The following NCAPG variants were observed in gnomAD, a reference collection of about 807,000 sequenced individuals.
NCAPG encodes the protein non-SMC condensin I complex subunit G.
NCAPG carries 69 observed loss-of-function variants against 113.1 expected under a neutral mutation model. The observed-to-expected ratio is 0.61, with a 90% CI of 0.50 to 0.75. The LOEUF is 0.75. Among genes scored for constraint, NCAPG ranks in the 30% least tolerant of loss-of-function variants. The pLI, the probability that NCAPG is intolerant of heterozygous loss-of-function variation, is 0.00. For synonymous variants in NCAPG, 370 were observed against 415.8 expected (o/e 0.89, Z 1.34); for missense variants, 1,058 against 1,177.0 (o/e 0.90, Z 1.48).
chr4:17,814,790 A>C, intron 3 of NCAPG, 63 bp from the exon 4 acceptor site: 4 of 1,515,498 alleles, frequency 2.6e-6, no homozygotes, highest in Non-Finnish European at 3.6e-6. Context: ...AATGTGTGTT[A>C]TTTTATGACT....
At chr4:17,823,401 T>C (rs895462545) in intron 8 of NCAPG, among the ~76,000 whole-genome samples, 1 of 152,180 alleles carries the variant, frequency 6.6e-6, no homozygotes, top group Non-Finnish European at 1.5e-5. Context: ...TAATCATTTC[T>C]GGTATTTTGT....
chr4:17,812,207 C>CT lies in NCAPG; in HGVS notation c.112-10dup. The CT allele has an allele frequency of 6.2e-7, 1 of 1,606,846 alleles. No individual in the cohort carries two copies. The highest frequency in any genetic ancestry group is 8.5e-7 in the Non-Finnish European group (1 of 1,174,986). ...TATCGGTGCAGTTTATGAAGGGTTT[C>CT]TTTTGTCTTTCAGATGGATGATAAG... On this transcript the variant is annotated splice_polypyrimidine_tract_variant and intron_variant, in intron 1 of 20. Coordinates refer to ENST00000251496, the MANE Select transcript of NCAPG (RefSeq NM_022346.5).
rs755446157 is a variant in NCAPG at position 17,828,252 on chromosome 4, T to TGC, written c.1654-25_1654-24dup. On this transcript the variant is annotated intron_variant, in intron 11 of 20. Transcript: ENST00000251496. ...AAGGATGGGGAGAAGATATTACTAA[T>TGC]GCTGAATATTTTGTCTTCATTTTAG... 5.6e-5 allele frequency: 85 copies of TGC among 1,518,578 alleles called. 1 individual carries two copies. Among genetic ancestry groups the TGC allele is most frequent in the Admixed American group, 3.4e-4 (20 of 58,172 alleles). The allele number at this position is 1,518,578 out of a possible 1,614,324, so 94.1% of individuals were successfully genotyped here.
chr4:17,834,958 G>T (rs1267188945), intron 14 of NCAPG, among the ~76,000 whole-genome samples: 1 of 152,042 alleles, frequency 6.6e-6, no homozygotes, highest in Non-Finnish European at 1.5e-5. Context: ...GATTAAAGTG[G>T]GTTGTTATTT....
At chr4:17,816,353 C>G (rs1329025686) in intron 5 of NCAPG, among the ~76,000 whole-genome samples, 1 of 152,178 alleles carries the variant, frequency 6.6e-6, no homozygotes, top group Admixed American at 6.5e-5. Flanking sequence ...CGGCTTACCT[C>G]CTCCTGTGCG....
At chr4:17,815,446 T>C (rs1196494994) in intron 5 of NCAPG, 88 bp downstream of exon 5, 1 of 898,300 alleles carries the variant, frequency 1.1e-6, no homozygotes, top group Non-Finnish European at 1.7e-6. Flanking sequence ...TCAAATCAGG[T>C]CAAGTAAGCC....
At chr4:17,823,507 C>T in intron 8 of NCAPG, 140 bp from the exon 9 acceptor site, 1 of 700,612 alleles carries the variant, frequency 1.4e-6, no homozygotes, top group South Asian at 2.4e-5. Flanking sequence ...TCTGTACATA[C>T]AGATTTTTGT....
chr4:17,843,463 C>CAGTT lies in NCAPG; in HGVS notation c.*40_*43dup, dbSNP rs1314371378. 18 of 1,595,962 alleles carry CAGTT rather than the reference C, an allele frequency of 1.1e-5. No individual in the cohort carries two copies. The highest frequency in any genetic ancestry group is 1.5e-5 in the Non-Finnish European group (18 of 1,169,794). On this transcript the variant is annotated 3_prime_UTR_variant, in exon 21 of 21. Transcript: ENST00000251496. Reference sequence around the variant, plus strand: ...AGGTGGAATCCTTTAAGATTATGTCCAGTTATTTGCTTTAATAAAGAAGAA... The same window carrying CAGTT: ...AGGTGGAATCCTTTAAGATTATGTCCAGTTAGTTATTTGCTTTAATAAAGAAGAA...
At chr4:17,840,561 T>C in intron 18 of NCAPG, 46 bp from the exon 19 acceptor site, 1 of 1,124,102 alleles carries the variant, frequency 8.9e-7, no homozygotes, top group Non-Finnish European at 1.2e-6. Flanking sequence ...TTAAAATATT[T>C]CATGAGGTTA....
chr4:17,815,430 C>T lies in NCAPG; in HGVS notation c.775+72C>T, dbSNP rs538080054. On this transcript the variant is annotated intron_variant, in intron 5 of 20. Coordinates refer to ENST00000251496, the MANE Select transcript of NCAPG (RefSeq NM_022346.5). The stretch of plus-strand genomic sequence containing the variant: ...GTCAGACTTAACAAGGTTTAAGAAA[C>T]GAGTGTCAAATCAGGTCAAGTAAGC... The T allele has an allele frequency of 7.1e-5, 80 of 1,128,502 alleles. 1 individual carries two copies. In the African/African-American group the frequency reaches 9.6e-4, roughly 14 times the overall value. 69.9% of individuals were successfully genotyped at this position (1,128,502 alleles called of 1,614,324 possible).
At chr4:17,825,716 C>T (rs561921161) in intron 11 of NCAPG, 155 bp downstream of exon 11, 2 of 602,290 alleles carry the variant, frequency 3.3e-6, no homozygotes, top group African/African-American at 3.9e-5. Flanking sequence ...TTCCCTGTTT[C>T]TATTTTTGGA....
intron 7 of NCAPG, among the ~76,000 whole-genome samples, chr4:17,821,831 A>G (rs1721468100): frequency 6.6e-6 from 1 of 152,104 alleles, no homozygotes; most frequent in South Asian, 2.1e-4. Context: ...TCCATCTTAA[A>G]GGCACTTCGC....
intron 18 of NCAPG, 92 bp from the exon 19 acceptor site, chr4:17,840,515 T>C: frequency 5.2e-6 from 4 of 762,294 alleles, no homozygotes; most frequent in Non-Finnish European, 7.5e-6. Context: ...GACTTTGTCA[T>C]TTCAGTTTTA....
chr4:17,828,031 C>T (rs1231827440), intron 11 of NCAPG, among the ~76,000 whole-genome samples: 1 of 151,984 alleles, frequency 6.6e-6, no homozygotes, highest in Admixed American at 6.6e-5. Flanking sequence ...AAATTCCTGA[C>T]CTTAAGTGAT....
At position 17,823,140 on chromosome 4, in the gene NCAPG, A is replaced by G; in HGVS notation, c.1259+17A>G. 2 of 1,595,986 alleles carry G rather than the reference A, an allele frequency of 1.3e-6. No individual in the cohort carries two copies. The highest frequency in any genetic ancestry group is 1.1e-5 in the South Asian group (1 of 87,580). On this transcript the variant is annotated intron_variant, in intron 8 of 20. Transcript: ENST00000251496. ...AGGAGGAAGGTATGTCTAAATGTTAACACTCATTCTAATTTGCCCTTCTAA... is the reference window on the plus strand; with the variant it reads ...AGGAGGAAGGTATGTCTAAATGTTAGCACTCATTCTAATTTGCCCTTCTAA...
At chr4:17,815,213 T>C in intron 4 of NCAPG, 61 bp from the exon 5 acceptor site, 2 of 1,431,646 alleles carry the variant, frequency 1.4e-6, no homozygotes, top group South Asian at 2.5e-5. Context: ...GATGGTGATA[T>C]TCTTATGAAA....
chr4:17,837,597 C>A, intron 15 of NCAPG, 30 bp from the exon 16 acceptor site: 1 of 1,587,050 alleles, frequency 6.3e-7, no homozygotes, highest in Non-Finnish European at 8.6e-7. Context: ...TAATGTTCTG[C>A]CAACATACTT....
intron 12 of NCAPG, among the ~76,000 whole-genome samples, chr4:17,830,235 A>AG (rs1215419650): frequency 6.6e-6 from 1 of 152,018 alleles, no homozygotes. Context: ...CTGCAAAAAA[A>AG]TAGAAAAATT....
Position 17,823,683 on chromosome 4 carries a change from T to C in NCAPG, c.1296T>C (p.Ile432=). The C allele has an allele frequency of 6.2e-7, 1 of 1,611,422 alleles. No homozygotes were observed. ...TGGCTGTTTTACAGGAGATTCTTAT[T>C]TTACCCACAATCCCAATATCCCTGG... ...KLLAVLQEIL[I]LPTIPISLVS... Residue 432 remains isoleucine (I), a synonymous_variant, in exon 9 of 21, where the codon ATT becomes ATC. Transcript: ENST00000251496.
Sources: allele counts gnomAD v4.1 joint callset (sites outside exome capture counted in the v4.1 genomes callset), GRCh38; gene constraint gnomAD v4.1.1; transcripts MANE v1.5; gene names NCBI Gene and HGNC (gene_info 2026-07-23, HGNC 2026-07-21).